PPFIBP1: variants seen among roughly 807,000 people sequenced by gnomAD.
PPFIBP1 encodes liprin-beta-1.
PPFIBP1 carries 112 observed loss-of-function variants against 137.8 expected under a neutral mutation model. That is an observed-to-expected ratio of 0.81 (90% CI 0.70 to 0.95). PPFIBP1 has a LOEUF of 0.95. Among genes scored for constraint, PPFIBP1 ranks in the 40% least tolerant of loss-of-function variants. PPFIBP1 has a pLI of 0.00. For synonymous variants in PPFIBP1, 378 were observed against 417.3 expected (o/e 0.91, Z 1.15); for missense variants, 1,083 against 1,196.6 (o/e 0.91, Z 1.40).
chr12:27,651,175 A>G (rs2058854056), intron 7 of PPFIBP1, among the ~76,000 whole-genome samples: 1 of 152,182 alleles, frequency 6.6e-6, no homozygotes, highest in Non-Finnish European at 1.5e-5. Context: ...TTCAAAATTA[A>G]ATTTTCTGTC....
chr12:27,605,147 G>A (rs1048814015), intron 2 of PPFIBP1, among the ~76,000 whole-genome samples: 1 of 152,198 alleles, frequency 6.6e-6, no homozygotes, highest in African/African-American at 2.4e-5. Context: ...TGGCCTACCA[G>A]CTTGGGAAGT....
intron 1 of PPFIBP1, among the ~76,000 whole-genome samples, chr12:27,542,883 C>T (rs1945821485): frequency 6.6e-6 from 1 of 152,140 alleles, no homozygotes. Context: ...GGGCAATAAC[C>T]CTTCTCTTAC....
At chr12:27,639,211 C>T (rs945249439) in intron 4 of PPFIBP1, among the ~76,000 whole-genome samples, 6 of 152,016 alleles carry the variant, frequency 3.9e-5, no homozygotes, top group Admixed American at 3.9e-4. Flanking sequence ...AGTGCGTCTC[C>T]TGTGGTTAAA....
intron 5 of PPFIBP1, among the ~76,000 whole-genome samples, chr12:27,646,928 C>G (rs73084343): frequency 6.6e-6 from 1 of 151,970 alleles, no homozygotes; most frequent in Admixed American, 6.5e-5. Flanking sequence ...TATTGAGTTG[C>G]CCCCCCTGAC....
chr12:27,691,345 G>A (rs890192721), intron 27 of PPFIBP1, among the ~76,000 whole-genome samples: 5 of 151,974 alleles, frequency 3.3e-5, no homozygotes, highest in Admixed American at 6.6e-5. Flanking sequence ...AGAGGCTGAG[G>A]CAGGAGGATC....
At chr12:27,605,009 C>G (rs758807958) in intron 2 of PPFIBP1, among the ~76,000 whole-genome samples, 1 of 152,008 alleles carries the variant, frequency 6.6e-6, no homozygotes, top group Non-Finnish European at 1.5e-5. Context: ...TGGGAAAGAC[C>G]CCCTCCATGA....
At chr12:27,583,532 G>A (rs939905182) in intron 2 of PPFIBP1, among the ~76,000 whole-genome samples, 1 of 151,810 alleles carries the variant, frequency 6.6e-6, no homozygotes, top group Non-Finnish European at 1.5e-5. Context: ...GGTTCTTCAT[G>A]GTCTATATTG....
At chr12:27,553,291 C>T (rs1335582903) in intron 1 of PPFIBP1, among the ~76,000 whole-genome samples, 2 of 152,200 alleles carry the variant, frequency 1.3e-5, no homozygotes, top group African/African-American at 4.8e-5. Context: ...ACTGTCACCA[C>T]TCAGTCCAGC....
rs192420777 is a variant in PPFIBP1, at chr12:27,569,579, G to A, written c.-123-8573G>A. Among the ~76,000 whole-genome samples, 24 of 152,118 alleles carry A rather than the reference G, an allele frequency of 1.6e-4. No individual in the cohort carries two copies. The East Asian group carries it at 4.5e-3, about 28-fold the overall frequency. On this transcript the variant is annotated intron_variant, in intron 1 of 29. Transcript: ENST00000228425. ...TTTTTTGTTTGTTTGTTTTTGAGAC[G>A]GAGTCTTGCCCTGTTGCCCAGGCTG...
At chr12:27,679,824 CA>C (rs1252208830) in intron 20 of PPFIBP1, 108 bp from the exon 21 acceptor site, 26 of 1,436,310 alleles carry the variant, frequency 1.8e-5, no homozygotes, top group Non-Finnish European at 2.5e-5. Flanking sequence ...TCTATGTTAA[CA>C]ACACAAAGAG....
At chr12:27,594,160 C>A in intron 2 of PPFIBP1, 1 of 440,264 alleles carries the variant, frequency 2.3e-6, no homozygotes. Flanking sequence ...AAAACATTAT[C>A]CATCCCCTTT....
chr12:27,648,557 G>A (rs1297537915), intron 6 of PPFIBP1, among the ~76,000 whole-genome samples: 11 of 152,290 alleles, frequency 7.2e-5, no homozygotes, highest in African/African-American at 2.6e-4. Context: ...TCCCGAGTTT[G>A]CTGCAGCTCT....
chr12:27,533,775 T>C (rs1012118198), intron 1 of PPFIBP1, among the ~76,000 whole-genome samples: 1 of 152,110 alleles, frequency 6.6e-6, no homozygotes, highest in African/African-American at 2.4e-5. Context: ...AAGCATACAG[T>C]CTTCAGGGGA....
chr12:27,680,970 C>A (rs1272813462), intron 21 of PPFIBP1, among the ~76,000 whole-genome samples: 1 of 152,150 alleles, frequency 6.6e-6, no homozygotes, highest in Non-Finnish European at 1.5e-5. Flanking sequence ...TCTTTGAACA[C>A]AGTAGAGCTC....
intron 24 of PPFIBP1, among the ~76,000 whole-genome samples, chr12:27,685,502 T>C (rs965942421): frequency 6.6e-6 from 1 of 152,088 alleles, no homozygotes; most frequent in Admixed American, 6.6e-5. Flanking sequence ...TCAGTAAATA[T>C]TTGCCTCCCT....
chr12:27,534,101 T>C (rs1276131438), intron 1 of PPFIBP1, among the ~76,000 whole-genome samples: 1 of 151,912 alleles, frequency 6.6e-6, no homozygotes, highest in East Asian at 1.9e-4. Context: ...GGTAGATAGC[T>C]TGGGTTTGAG....
At chr12:27,585,022 C>T (rs1325594417) in intron 2 of PPFIBP1, among the ~76,000 whole-genome samples, 1 of 152,174 alleles carries the variant, frequency 6.6e-6, no homozygotes, top group Non-Finnish European at 1.5e-5. Flanking sequence ...CTTAAATTAA[C>T]TTGCATAAAT....
At chr12:27,608,282 G>A (rs1252130489) in intron 2 of PPFIBP1, among the ~76,000 whole-genome samples, 4 of 152,142 alleles carry the variant, frequency 2.6e-5, no homozygotes, top group Non-Finnish European at 5.9e-5. Context: ...TCTGACAGGG[G>A]GAGCCATGAC....
At chr12:27,671,175 G>T (rs556493960) in intron 13 of PPFIBP1, among the ~76,000 whole-genome samples, 5 of 152,140 alleles carry the variant, frequency 3.3e-5, no homozygotes, top group Admixed American at 3.3e-4. Context: ...CTTACTTAAT[G>T]GTATACCGTC....
Sources: allele counts gnomAD v4.1 joint callset (sites outside exome capture counted in the v4.1 genomes callset), GRCh38; gene constraint gnomAD v4.1.1; transcripts MANE v1.5; gene names NCBI Gene and HGNC (gene_info 2026-07-23, HGNC 2026-07-21).